Variants in DST observed in about 807,000 individuals in gnomAD.
The protein encoded by DST is bullous pemphigoid antigen.
DST carries 253 observed loss-of-function variants against 875.2 expected under a neutral mutation model. The ratio of observed to expected loss-of-function variants is 0.29; its 90% CI spans 0.26 to 0.32. The LOEUF (loss-of-function observed/expected upper bound fraction) is 0.32. Among genes scored for constraint, DST ranks in the 10% least tolerant of loss-of-function variants. DST has a pLI of 1.00. For synonymous variants in DST, 3,124 were observed against 3,197.1 expected (o/e 0.98, Z 0.77); for missense variants, 8,287 against 9,111.6 (o/e 0.91, Z 3.68).
intron 72 of DST, among the ~76,000 whole-genome samples, chr6:56,514,580 C>CACACAT (rs574290336): frequency 2.8e-5 from 2 of 71,604 alleles, no homozygotes; most frequent in African/African-American, 1.3e-4. Context: ...CAGGCGTATA[C>CACACAT]ACACACACAC....
chr6:56,801,599 G>T (rs1590757977), intron 4 of DST, among the ~76,000 whole-genome samples: 1 of 152,076 alleles, frequency 6.6e-6, no homozygotes, highest in South Asian at 2.1e-4. Context: ...ATAACTACAT[G>T]GAGAACCCAA....
intron 32 of DST, among the ~76,000 whole-genome samples, chr6:56,628,641 T>C (rs963607000): frequency 7.9e-5 from 12 of 152,244 alleles, no homozygotes; most frequent in African/African-American, 2.9e-4. Flanking sequence ...TGTATCATAT[T>C]TGTTACAGAG....
Position 56,631,995 on chromosome 6 carries a change from C to T in DST, c.3851G>A (p.Arg1284Gln), listed in dbSNP as rs369710658. ...GTTCTCTAACCGAAGTCTAATGTTT[C>T]GAACTTCAGAGATGTAGAGATTATA... is the stretch of plus-strand genomic sequence containing the variant. ...SVYNLYISEVRNIRLRLENCE... is the reference protein window; with the variant it reads ...SVYNLYISEVQNIRLRLENCE... Residue 1284 changes from arginine to glutamine, a missense_variant, in exon 29 of 104, where the codon CGA (arginine) becomes CAA (glutamine). Around this residue, in one of 10 missense-constraint regions of DST, gnomAD observed 3,138 missense variants for 3,116.6 expected, o/e 1.01. Transcript: ENST00000680361. 14 of 1,613,454 alleles carry T rather than the reference C, an allele frequency of 8.7e-6. No homozygotes were observed. The highest frequency in any genetic ancestry group is 5.3e-5 in the African/African-American group (4 of 74,872).
intron 3 of DST, chr6:56,871,177 G>A: frequency 2.7e-6 from 2 of 732,102 alleles, no homozygotes; most frequent in Non-Finnish European, 5.0e-6. Flanking sequence ...AGTGGCCTGA[G>A]GTAGTCTGTG....
chr6:56,630,199 C>G, intron 31 of DST, 46 bp downstream of exon 31: 1 of 1,397,828 alleles, frequency 7.2e-7, no homozygotes, highest in Non-Finnish European at 1.0e-6. Flanking sequence ...TAGAGAAATA[C>G]TTGTAGAATA....
chr6:56,593,196 T>A (rs1031647903), intron 48 of DST, among the ~76,000 whole-genome samples: 1 of 152,068 alleles, frequency 6.6e-6, no homozygotes, highest in Non-Finnish European at 1.5e-5. Context: ...TTTAAATACA[T>A]TGTTCAGAAG....
In DST at chr6:56,897,305, T is replaced by TTGG. The variant is rs1491555613; in HGVS notation, c.417+3115_417+3116insCCA. On this transcript the variant is annotated intron_variant, in intron 3 of 103. Coordinates refer to ENST00000680361, the MANE Select transcript of DST (RefSeq NM_001374736.1). ...CAAAGAATACTAAGTGGTTTTTTTTTGGGGGGGGGGTTGTTTTTATTTATT... is the reference window on the plus strand; with the variant it reads ...CAAAGAATACTAAGTGGTTTTTTTTTTGGGGGGGGGGGGTTGTTTTTATTTATT... 1.7e-3 allele frequency among the ~76,000 whole-genome samples: 230 copies of TTGG among 137,136 alleles called. 4 individuals are homozygous for TTGG. Among genetic ancestry groups the TTGG allele is most frequent in the Middle Eastern group, 0.015 (4 of 272 alleles). The allele number at this position is 137,136 out of a possible 152,430, so 90.0% of individuals were successfully genotyped here. A position where few individuals can be genotyped will look rare whatever the true frequency, so the allele number is the denominator to read the frequency against.
intron 36 of DST, chr6:56,619,191 T>C (rs1410968622): frequency 6.2e-7 from 1 of 1,614,132 alleles, no homozygotes; most frequent in Non-Finnish European, 8.5e-7. Flanking sequence ...GCCTGAATTT[T>C]CAGTGCTTCA....
intron 4 of DST, among the ~76,000 whole-genome samples, chr6:56,849,530 T>A (rs961067502): frequency 9.2e-5 from 14 of 152,124 alleles, no homozygotes; most frequent in African/African-American, 3.4e-4. Context: ...ATTTTACAAT[T>A]AACAAGCGAT....
intron 4 of DST, among the ~76,000 whole-genome samples, chr6:56,747,165 T>C (rs2099575102): frequency 6.6e-6 from 1 of 152,098 alleles, no homozygotes; most frequent in Non-Finnish European, 1.5e-5. Flanking sequence ...ACAAAACAAA[T>C]GGTTTTGTCA....
Position 56,606,367 on chromosome 6 carries a change from G to C in DST, c.8261C>G (p.Thr2754Ser), listed in dbSNP as rs1171111993. 6 of 1,613,240 alleles carry C rather than the reference G, an allele frequency of 3.7e-6. No individual in the cohort carries two copies. Among genetic ancestry groups the C allele is most frequent in the Non-Finnish European group, 3.4e-6 (4 of 1,179,568 alleles). The change falls in exon 40 of 104, where the codon ACT (threonine) becomes AGT (serine). Residue 2754 changes from threonine (T) to serine (S), a missense_variant. Thr to Ser is a moderately conservative substitution (Grantham distance 58, BLOSUM62 1). Transcript: ENST00000680361. ...ACTGTCATCAAATTTTAATGATGCA[G>C]TGAAGCTCTCTTTTCCTCCTACAAT... Reference protein sequence around the residue: ...YDIVGGKESFTASLKFDDSGS... With the variant: ...YDIVGGKESFSASLKFDDSGS...
chr6:56,893,636 T>C (rs1385841275), intron 3 of DST, among the ~76,000 whole-genome samples: 3 of 62,346 alleles, frequency 4.8e-5, no homozygotes, highest in South Asian at 7.5e-4. Flanking sequence ...TTCTTGGGTG[T>C]TTCTCGCAGA....
chr6:56,575,702 A>T (rs916446591), intron 50 of DST, among the ~76,000 whole-genome samples: 3 of 152,162 alleles, frequency 2.0e-5, no homozygotes, highest in Non-Finnish European at 4.4e-5. Context: ...CTCTGGCCAT[A>T]GCTCTTGACA....
intron 98 of DST, 118 bp from the exon 99 acceptor site, chr6:56,466,313 G>A (rs751919391): frequency 3.9e-5 from 23 of 583,248 alleles, no homozygotes; most frequent in African/African-American, 9.4e-5. Flanking sequence ...AGTTCATAGC[G>A]ATTAGTAAAA....
At chr6:56,497,581 T>C (rs1583172450) in intron 81 of DST, 74 bp from the exon 82 acceptor site, 1 of 1,540,398 alleles carries the variant, frequency 6.5e-7, no homozygotes, top group East Asian at 2.3e-5. Flanking sequence ...CTTCAAACAA[T>C]CCCAGCCTGC....
chr6:56,778,147 T>C (rs2099683192), intron 4 of DST, among the ~76,000 whole-genome samples: 2 of 152,140 alleles, frequency 1.3e-5, no homozygotes, highest in South Asian at 4.1e-4. Context: ...TCTACTAGCA[T>C]AGTTCTTTAA....
Position 56,606,488 on chromosome 6 carries a change from C to T in DST, c.8140G>A (p.Asp2714Asn). The T allele has an allele frequency of 6.2e-7, 1 of 1,613,414 alleles. No individual in the cohort carries two copies. Among genetic ancestry groups the T allele is most frequent in the Non-Finnish European group, 8.5e-7 (1 of 1,179,578 alleles). ...EKIHLNPVGS[D>N]KVNGQSLETG... ...TCCAGTGACTGTCCATTCACCTTAT[C>T]TGAGCCAACAGGATTTAAATGTATT... The change falls in exon 40 of 104, where the codon GAT becomes AAT. Residue 2714 changes from aspartate (D) to asparagine (N), a missense_variant. Asp to Asn is a conservative substitution (Grantham distance 23, BLOSUM62 1). Coordinates refer to ENST00000680361, the MANE Select transcript of DST (RefSeq NM_001374736.1).
chr6:56,905,000 G>A (rs1008788227), intron 2 of DST, among the ~76,000 whole-genome samples: 4 of 152,198 alleles, frequency 2.6e-5, no homozygotes, highest in Admixed American at 2.6e-4. Context: ...ACATTGGCCA[G>A]TATGGTCTTG....
intron 10 of DST, among the ~76,000 whole-genome samples, chr6:56,655,674 A>G (rs1431243691): frequency 6.6e-6 from 1 of 152,220 alleles, no homozygotes; most frequent in East Asian, 1.9e-4. Flanking sequence ...GTACAAAAAC[A>G]GAAATATGTC....
Sources: allele counts gnomAD v4.1 joint callset (sites outside exome capture counted in the v4.1 genomes callset), GRCh38; gene constraint gnomAD v4.1.1; regional missense constraint gnomAD v4.1.1; transcripts MANE v1.5; gene names NCBI Gene and HGNC (gene_info 2026-07-23, HGNC 2026-07-21).